FNIP1: variants seen among roughly 807,000 people sequenced by gnomAD.
FNIP1 encodes folliculin interacting protein 1, also known as folliculin-interacting protein 1.
A neutral mutation model predicts 124.5 loss-of-function variants in FNIP1; 40 were observed. The ratio of observed to expected loss-of-function variants is 0.32; its 90% CI spans 0.25 to 0.42. The LOEUF is 0.42. Among genes scored for constraint, FNIP1 ranks in the 10% least tolerant of loss-of-function variants. The probability of loss-of-function intolerance (pLI) is 1.00; values close to 1 mark genes in which losing one functional copy is unlikely to be tolerated. For missense variants in FNIP1, 1,176 were observed against 1,403.7 expected (o/e 0.84, Z 2.59); for synonymous variants, 472 against 470.6 (o/e 1.00, Z -0.04).
intron 3 of FNIP1, among the ~76,000 whole-genome samples, chr5:131,729,856 C>A (rs1322981174): frequency 6.6e-6 from 1 of 152,150 alleles, no homozygotes; most frequent in African/African-American, 2.4e-5. Flanking sequence ...AGCAATTCTC[C>A]TGCCCCAGCC....
intron 15 of FNIP1, among the ~76,000 whole-genome samples, chr5:131,654,307 G>A (rs538269565): frequency 1.1e-4 from 16 of 152,162 alleles, no homozygotes; most frequent in African/African-American, 3.9e-4. Context: ...CTGGCCAAAT[G>A]GAATAGCAGC....
intron 15 of FNIP1, among the ~76,000 whole-genome samples, chr5:131,662,234 G>A (rs1767462904): frequency 6.6e-6 from 1 of 152,068 alleles, no homozygotes; most frequent in Non-Finnish European, 1.5e-5. Context: ...GCCCATTTCT[G>A]AGAGTGAATT....
At position 131,756,220 on chromosome 5, in the gene FNIP1, C is replaced by G. The variant is rs547918231; in HGVS notation, c.93-11530G>C. On this transcript the variant is annotated intron_variant, in intron 1 of 17. Transcript: ENST00000510461. Reference sequence around the variant, plus strand: ...ATTGAAGAGAAAGAGCTGAGAAAGACAGTATATAATATTCCATGTAAAAAA... The same window carrying G: ...ATTGAAGAGAAAGAGCTGAGAAAGAGAGTATATAATATTCCATGTAAAAAA... Among the ~76,000 whole-genome samples, 157 of 152,046 alleles carry G rather than the reference C, an allele frequency of 1.0e-3. 1 individual carries two copies. Among genetic ancestry groups the G allele is most frequent in the African/African-American group, 3.6e-3 (150 of 41,468 alleles).
chr5:131,760,041 C>A (rs1043358325), intron 1 of FNIP1, among the ~76,000 whole-genome samples: 2 of 152,064 alleles, frequency 1.3e-5, no homozygotes, highest in Non-Finnish European at 2.9e-5. Context: ...AAACATTGAG[C>A]ATACACTGAC....
intron 15 of FNIP1, 65 bp from the exon 16 acceptor site, chr5:131,652,064 C>A: frequency 6.8e-7 from 1 of 1,469,464 alleles, no homozygotes; most frequent in Non-Finnish European, 9.2e-7. Context: ...AATGGTAATT[C>A]AGCAATGAAG....
intron 1 of FNIP1, among the ~76,000 whole-genome samples, chr5:131,757,533 T>C (rs1771087885): frequency 6.6e-6 from 1 of 150,538 alleles, no homozygotes; most frequent in Non-Finnish European, 1.5e-5. Context: ...TTCCAGGCAA[T>C]AGTGACAGGG....
At chr5:131,720,073 G>A (rs1769606574) in intron 3 of FNIP1, among the ~76,000 whole-genome samples, 1 of 152,060 alleles carries the variant, frequency 6.6e-6, no homozygotes, top group East Asian at 1.9e-4. Flanking sequence ...AAAGCTGGTG[G>A]GCATTACACT....
At chr5:131,664,985 T>C (rs1048096966) in intron 15 of FNIP1, among the ~76,000 whole-genome samples, 3 of 151,526 alleles carry the variant, frequency 2.0e-5, no homozygotes, top group African/African-American at 7.3e-5. Context: ...TGTGTAAATA[T>C]TGTGTATTTA....
intron 8 of FNIP1, among the ~76,000 whole-genome samples, chr5:131,708,186 G>A (rs58423926): frequency 6.6e-6 from 1 of 152,142 alleles, no homozygotes; most frequent in African/African-American, 2.4e-5. Context: ...GAGAGTCTTT[G>A]AAAGTAGAGT....
chr5:131,795,340 G>A (rs1016060), intron 1 of FNIP1, among the ~76,000 whole-genome samples: 151,664 of 152,338 alleles, frequency 1, 75,500 homozygotes, highest in East Asian at 1. Flanking sequence ...ACGCAACTAT[G>A]TAGTAGACTT....
chr5:131,645,199 G>A (rs917833051), intron 17 of FNIP1, among the ~76,000 whole-genome samples: 7 of 151,780 alleles, frequency 4.6e-5, no homozygotes, highest in South Asian at 2.1e-4. Context: ...GTGTGTGCCC[G>A]TGGTACCAGC....
intron 17 of FNIP1, among the ~76,000 whole-genome samples, chr5:131,646,766 C>T (rs972736009): frequency 6.6e-6 from 1 of 152,176 alleles, no homozygotes; most frequent in Non-Finnish European, 1.5e-5. Flanking sequence ...ATGTGGAAGG[C>T]AGGGCAGATA....
Position 131,671,859 on chromosome 5 carries a change from T to C in FNIP1, c.2585A>G (p.Asp862Gly). ...TGAAAACTCTAACATACAGCAATGG[T>C]CTTTACTATCTGTACTTGTTTTAAA... The part of the protein sequence containing the change: ...VPFKTSTDSK[D>G]HCCMLEFSKI... The change falls in exon 14 of 18, where the codon GAC becomes GGC. Residue 862 changes from aspartate (D) to glycine (G), a missense_variant. Physicochemically the swap from Asp to Gly is moderately conservative, Grantham distance 94. Around this residue, in one of 2 missense-constraint regions of FNIP1, gnomAD observed 1,109 missense variants for 1,288.5 expected, o/e 0.86. Transcript: ENST00000510461. The C allele has an allele frequency of 1.2e-6, 2 of 1,614,102 alleles. No homozygotes were observed. The highest frequency in any genetic ancestry group is 2.2e-5 in the South Asian group (2 of 91,086).
intron 1 of FNIP1, among the ~76,000 whole-genome samples, chr5:131,754,580 C>A (rs1387463823): frequency 1.3e-5 from 2 of 152,182 alleles, no homozygotes; most frequent in Non-Finnish European, 2.9e-5. Flanking sequence ...GGGAGAAGGG[C>A]ATTCTCTTCT....
At chr5:131,673,058 T>G (rs6596031) in intron 13 of FNIP1, 134 bp from the exon 14 acceptor site, 25,859 of 644,344 alleles carry the variant, frequency 0.04, 1,463 homozygotes, top group African/African-American at 0.2. Context: ...TTTGTTTTTT[T>G]TTTTTTTGAG....
intron 1 of FNIP1, among the ~76,000 whole-genome samples, chr5:131,780,192 C>A (rs968092814): frequency 4.6e-5 from 7 of 152,064 alleles, no homozygotes; most frequent in African/African-American, 1.7e-4. Context: ...AGGAAAATAT[C>A]AAATGTAGAG....
chr5:131,726,534 G>C (rs777210999), intron 3 of FNIP1, among the ~76,000 whole-genome samples: 1 of 152,034 alleles, frequency 6.6e-6, no homozygotes, highest in Non-Finnish European at 1.5e-5. Flanking sequence ...GTTTCTTATT[G>C]TGTTTATTTG....
intron 3 of FNIP1, 27 bp downstream of exon 3, chr5:131,730,877 A>T: frequency 6.4e-7 from 1 of 1,557,650 alleles, no homozygotes; most frequent in Non-Finnish European, 8.7e-7. Flanking sequence ...AAATGAATGA[A>T]TAAATAAATG....
Position 131,736,846 on chromosome 5 carries a change from T to C in FNIP1, c.220-5808A>G, listed in dbSNP as rs111683158. On this transcript the variant is annotated intron_variant, in intron 2 of 17. Coordinates refer to ENST00000510461, the MANE Select transcript of FNIP1 (RefSeq NM_133372.3). Reference sequence around the variant, plus strand: ...TTGTGGTTACGTAGAAGAATGTTCATATTTTTAGGAAATACACATTGACGT... The same window carrying C: ...TTGTGGTTACGTAGAAGAATGTTCACATTTTTAGGAAATACACATTGACGT... Among the ~76,000 whole-genome samples the C allele has an allele frequency of 6.4e-3, 975 of 152,338 alleles. 7 individuals carry two copies. Among genetic ancestry groups the C allele is most frequent in the African/African-American group, 0.022 (923 of 41,576 alleles).
Sources: allele counts gnomAD v4.1 joint callset (sites outside exome capture counted in the v4.1 genomes callset), GRCh38; gene constraint gnomAD v4.1.1; regional missense constraint gnomAD v4.1.1; transcripts MANE v1.5; gene names NCBI Gene and HGNC (gene_info 2026-07-23, HGNC 2026-07-21).